ACSS3: variants seen among roughly 807,000 people sequenced by gnomAD.
The protein encoded by ACSS3 is acyl-CoA synthetase short chain family member 3.
In ACSS3, 64 loss-of-function variants were observed where a neutral mutation model predicts 84.2. That is an observed-to-expected ratio of 0.76 (90% CI 0.62 to 0.94). ACSS3 has a LOEUF of 0.94. Among genes scored for constraint, ACSS3 ranks in the 40% least tolerant of loss-of-function variants. The pLI, the probability that ACSS3 is intolerant of heterozygous loss-of-function variation, is 0.00. For missense variants in ACSS3, 815 were observed against 867.6 expected (o/e 0.94, Z 0.76); for synonymous variants, 317 against 310.1 (o/e 1.02, Z -0.23).
chr12:81,098,492 A>G (rs925108168), intron 1 of ACSS3, among the ~76,000 whole-genome samples: 5 of 152,018 alleles, frequency 3.3e-5, no homozygotes, highest in Non-Finnish European at 5.9e-5. Context: ...CTTGTATGTC[A>G]TTTTGCTTAA....
At chr12:81,183,702 A>G (rs1335959553) in intron 8 of ACSS3, among the ~76,000 whole-genome samples, 1 of 152,126 alleles carries the variant, frequency 6.6e-6, no homozygotes, top group Non-Finnish European at 1.5e-5. Context: ...CAAGAGACAC[A>G]GGTCATTTTT....
At chr12:81,093,064 G>A (rs1359729236) in intron 1 of ACSS3, among the ~76,000 whole-genome samples, 1 of 152,062 alleles carries the variant, frequency 6.6e-6, no homozygotes, top group Non-Finnish European at 1.5e-5. Context: ...GAGATGTAGT[G>A]TGATTTAATT....
At chr12:81,136,205 A>G (rs1885791856) in intron 3 of ACSS3, among the ~76,000 whole-genome samples, 1 of 152,206 alleles carries the variant, frequency 6.6e-6, no homozygotes, top group South Asian at 2.1e-4. Flanking sequence ...TCTGGCATAT[A>G]GTACACATTT....
chr12:81,150,550 T>C (rs981014066), intron 5 of ACSS3, among the ~76,000 whole-genome samples: 1 of 152,160 alleles, frequency 6.6e-6, no homozygotes, highest in Admixed American at 6.5e-5. Flanking sequence ...GCTTAGAATT[T>C]CTAATGTTCC....
chr12:81,246,636 TAA>T (rs1426517139), intron 13 of ACSS3, among the ~76,000 whole-genome samples: 1 of 152,212 alleles, frequency 6.6e-6, no homozygotes, highest in African/African-American at 2.4e-5. Context: ...GTGGAAGATA[TAA>T]GTTACTTCAT....
At chr12:81,187,649 C>A (rs1159105194) in intron 8 of ACSS3, among the ~76,000 whole-genome samples, 1 of 151,494 alleles carries the variant, frequency 6.6e-6, no homozygotes, top group African/African-American at 2.4e-5. Context: ...AATATAAACC[C>A]GTTTTGTGAA....
At chr12:81,215,321 A>G (rs2032869786) in intron 9 of ACSS3, among the ~76,000 whole-genome samples, 1 of 151,912 alleles carries the variant, frequency 6.6e-6, no homozygotes. Context: ...TTACTTGCCG[A>G]TGATCCTCAG....
At chr12:81,135,426 T>C (rs2574733) in intron 3 of ACSS3, among the ~76,000 whole-genome samples, 66,986 of 143,062 alleles carry the variant, frequency 0.47, 15,919 homozygotes, top group East Asian at 0.62. Flanking sequence ...TATATAAATA[T>C]ATATAATATA....
chr12:81,251,536 T>C (rs2034150855), intron 13 of ACSS3, among the ~76,000 whole-genome samples: 1 of 151,604 alleles, frequency 6.6e-6, no homozygotes, highest in Admixed American at 6.6e-5. Context: ...AAAACTACTT[T>C]AAAAAATAAA....
At chr12:81,128,341 T>A (rs1428043508) in intron 2 of ACSS3, among the ~76,000 whole-genome samples, 1 of 152,146 alleles carries the variant, frequency 6.6e-6, no homozygotes, top group Non-Finnish European at 1.5e-5. Context: ...TTTAAATTAG[T>A]ACCAAAATGA....
chr12:81,252,263 T>C (rs546428517), intron 13 of ACSS3, among the ~76,000 whole-genome samples: 1 of 152,318 alleles, frequency 6.6e-6, no homozygotes, highest in African/African-American at 2.4e-5. Context: ...CTTATCACTT[T>C]TGTATTTAGA....
intron 1 of ACSS3, among the ~76,000 whole-genome samples, chr12:81,100,773 A>G (rs1292238810): frequency 2.0e-5 from 3 of 152,316 alleles, no homozygotes; most frequent in Non-Finnish European, 2.9e-5. Flanking sequence ...AGTACAGTCA[A>G]CATTTGGGAT....
intron 8 of ACSS3, among the ~76,000 whole-genome samples, chr12:81,196,080 C>T (rs1378767457): frequency 3.3e-5 from 5 of 152,144 alleles, no homozygotes; most frequent in Non-Finnish European, 5.9e-5. Context: ...CATTCCGTGA[C>T]ACTTGCATAC....
chr12:81,123,062 T>TA (rs34274382), intron 2 of ACSS3, among the ~76,000 whole-genome samples: 81,698 of 151,656 alleles, frequency 0.54, 22,457 homozygotes, highest in East Asian at 0.67. Context: ...GCATTTGCAG[T>TA]AAAAAAAATC....
At chr12:81,242,018 G>T (rs1251941189) in intron 13 of ACSS3, among the ~76,000 whole-genome samples, 2 of 152,064 alleles carry the variant, frequency 1.3e-5, no homozygotes, top group African/African-American at 4.8e-5. Flanking sequence ...TTCATATAAG[G>T]TGTAAGGAAG....
chr12:81,129,984 C>A (rs929820930), intron 2 of ACSS3, among the ~76,000 whole-genome samples: 1 of 152,090 alleles, frequency 6.6e-6, no homozygotes, highest in African/African-American at 2.4e-5. Context: ...CATAGTATTC[C>A]GTGGTGTATA....
intron 8 of ACSS3, among the ~76,000 whole-genome samples, chr12:81,187,021 C>T (rs558667056): frequency 2.0e-5 from 3 of 151,748 alleles, no homozygotes; most frequent in South Asian, 4.1e-4. Context: ...AATACCATTT[C>T]GTTCTAAAAA....
intron 7 of ACSS3, among the ~76,000 whole-genome samples, 157 bp downstream of exon 7, chr12:81,152,253 A>G (rs559362669): frequency 6.4e-4 from 98 of 152,324 alleles, no homozygotes; most frequent in Non-Finnish European, 1.2e-3. Context: ...AGGGAAAAGG[A>G]TATGTAGGAA....
At chr12:81,162,075 G>A (rs1245915536) in intron 7 of ACSS3, among the ~76,000 whole-genome samples, 5 of 152,164 alleles carry the variant, frequency 3.3e-5, no homozygotes, top group African/African-American at 9.6e-5. Context: ...GACGGAGGCC[G>A]TGTTTCAGCC....
Sources: allele counts gnomAD v4.1 joint callset (sites outside exome capture counted in the v4.1 genomes callset), GRCh38; gene constraint gnomAD v4.1.1; transcripts MANE v1.5; gene names NCBI Gene and HGNC (gene_info 2026-07-23, HGNC 2026-07-21).